Variants in STXBP6 observed in about 807,000 individuals in gnomAD.
The protein encoded by STXBP6 is syntaxin binding protein 6.
A neutral mutation model predicts 26.9 loss-of-function variants in STXBP6; 21 were observed. The ratio of observed to expected loss-of-function variants is 0.78; its 90% CI spans 0.55 to 1.12. The LOEUF (loss-of-function observed/expected upper bound fraction) is 1.12, where lower values mean the gene tolerates loss of function less well. Ranked by LOEUF, STXBP6 falls within the 50% of genes most tolerant of loss-of-function variation. The pLI is 0.00. For missense variants in STXBP6, 232 were observed against 257.9 expected, an observed-to-expected ratio of 0.90 and a Z score of 0.69; for synonymous variants, 97 against 92.6, an observed-to-expected ratio of 1.05 and a Z score of -0.27.
chr14:24,929,874 AG>A (rs2072317470), intron 2 of STXBP6, among the ~76,000 whole-genome samples: 2 of 152,350 alleles, frequency 1.3e-5, no homozygotes, highest in East Asian at 3.9e-4. Flanking sequence ...GTATCCTGGC[AG>A]AAGGGGTAGC....
At chr14:24,989,211 C>T (rs1290120411) in intron 1 of STXBP6, among the ~76,000 whole-genome samples, 1 of 152,174 alleles carries the variant, frequency 6.6e-6, no homozygotes, top group Non-Finnish European at 1.5e-5. Flanking sequence ...TGACCATCAT[C>T]CAGATTGTTC....
At chr14:24,963,540 C>T (rs2073622018) in intron 2 of STXBP6, among the ~76,000 whole-genome samples, 2 of 152,168 alleles carry the variant, frequency 1.3e-5, no homozygotes, top group South Asian at 4.1e-4. Flanking sequence ...TGAAAATCCT[C>T]AGAGAGGTTA....
intron 2 of STXBP6, among the ~76,000 whole-genome samples, chr14:24,917,469 G>A (rs1461288434): frequency 6.6e-6 from 1 of 151,998 alleles, no homozygotes; most frequent in East Asian, 1.9e-4. Context: ...CGCACCATAA[G>A]CACTCAAGAT....
intron 2 of STXBP6, among the ~76,000 whole-genome samples, chr14:24,936,583 C>T (rs149960640): frequency 5.9e-5 from 9 of 152,320 alleles, no homozygotes; most frequent in Non-Finnish European, 1.2e-4. Context: ...ATTTATGTAA[C>T]AGGCACTATT....
intron 4 of STXBP6, among the ~76,000 whole-genome samples, chr14:24,832,621 G>A (rs936810297): frequency 6.6e-6 from 1 of 152,132 alleles, no homozygotes; most frequent in African/African-American, 2.4e-5. Context: ...TCCCAAGAAG[G>A]ATGCTCTAAA....
intron 2 of STXBP6, among the ~76,000 whole-genome samples, chr14:24,900,209 T>C (rs2071163671): frequency 6.6e-6 from 1 of 152,222 alleles, no homozygotes; most frequent in Non-Finnish European, 1.5e-5. Flanking sequence ...AGAGAGCACT[T>C]ACATCCCTGA....
chr14:25,020,280 C>A (rs1361999939), intron 1 of STXBP6, among the ~76,000 whole-genome samples: 1 of 152,086 alleles, frequency 6.6e-6, no homozygotes, highest in Admixed American at 6.6e-5. Context: ...TACATTTTCT[C>A]TAGTAACATA....
At chr14:24,884,391 T>C (rs979923848) in intron 2 of STXBP6, among the ~76,000 whole-genome samples, 1 of 152,162 alleles carries the variant, frequency 6.6e-6, no homozygotes, top group African/African-American at 2.4e-5. Context: ...GGTACCAACA[T>C]CTCCATTTCT....
intron 1 of STXBP6, among the ~76,000 whole-genome samples, chr14:25,041,149 AG>A (rs1476478881): frequency 4.6e-5 from 7 of 151,848 alleles, no homozygotes; most frequent in African/African-American, 1.7e-4. Context: ...GGTGAAACCC[AG>A]TCTCTACTAA....
intron 1 of STXBP6, among the ~76,000 whole-genome samples, chr14:25,037,465 G>C (rs1018812601): frequency 1.3e-5 from 2 of 152,206 alleles, no homozygotes; most frequent in Non-Finnish European, 2.9e-5. Flanking sequence ...ACTCAAAACA[G>C]ATTAAAAGAC....
chr14:24,985,595 C>T (rs1269194087), intron 1 of STXBP6, among the ~76,000 whole-genome samples: 1 of 152,176 alleles, frequency 6.6e-6, no homozygotes, highest in East Asian at 1.9e-4. Flanking sequence ...GCTGACAGTG[C>T]TTCAAGGAAC....
chr14:25,026,155 T>C (rs991293133), intron 1 of STXBP6, among the ~76,000 whole-genome samples: 1 of 152,162 alleles, frequency 6.6e-6, no homozygotes, highest in Non-Finnish European at 1.5e-5. Context: ...AGAGGATAAA[T>C]GTCTTATTCT....
At chr14:24,991,891 C>T (rs1357746271) in intron 1 of STXBP6, among the ~76,000 whole-genome samples, 1 of 152,190 alleles carries the variant, frequency 6.6e-6, no homozygotes, top group African/African-American at 2.4e-5. Flanking sequence ...ACATCCACTC[C>T]CAGCTTGCAT....
chr14:24,885,784 T>C lies in STXBP6; in HGVS notation c.155-28627A>G, dbSNP rs545542647. Reference sequence around the variant, plus strand: ...AAAGAACCCTAAAGAACATTGGCCATGTGCTTGTTGCCATCCTCTATGACA... The same window carrying C: ...AAAGAACCCTAAAGAACATTGGCCACGTGCTTGTTGCCATCCTCTATGACA... On this transcript the variant is annotated intron_variant, in intron 2 of 5. Transcript: ENST00000323944. Among the ~76,000 whole-genome samples the C allele has an allele frequency of 2.0e-5, 3 of 152,360 alleles. No individual in the cohort carries two copies. In the South Asian group the frequency reaches 6.2e-4, roughly 32 times the overall value.
chr14:24,953,272 G>A (rs1368216734), intron 2 of STXBP6, among the ~76,000 whole-genome samples: 1 of 152,170 alleles, frequency 6.6e-6, no homozygotes, highest in Non-Finnish European at 1.5e-5. Context: ...TGACGATCCA[G>A]GGTAACCTCA....
intron 4 of STXBP6, among the ~76,000 whole-genome samples, chr14:24,849,187 TTC>T (rs1303968496): frequency 6.6e-6 from 1 of 152,162 alleles, no homozygotes; most frequent in East Asian, 1.9e-4. Flanking sequence ...CTTAGTTTTT[TTC>T]TCTCTCTGAA....
intron 2 of STXBP6, among the ~76,000 whole-genome samples, chr14:24,885,453 A>G (rs1288243359): frequency 6.6e-6 from 1 of 152,180 alleles, no homozygotes; most frequent in Non-Finnish European, 1.5e-5. Flanking sequence ...CCACCTCAGG[A>G]CTCTAAGAGT....
intron 1 of STXBP6, among the ~76,000 whole-genome samples, chr14:24,999,780 A>G (rs1326183946): frequency 6.6e-6 from 1 of 152,182 alleles, no homozygotes; most frequent in Non-Finnish European, 1.5e-5. Flanking sequence ...AGAAAAGCCC[A>G]AAGCCCAGAG....
In STXBP6 at chr14:25,012,154, TA is replaced by T. The variant is rs917090107; in HGVS notation, c.-32-37305del. ...ACTCAGGCATACACAAAAATGGAGT[TA>T]AAAAAAATGGAGCTAATTTATAAGG... is the stretch of plus-strand genomic sequence containing the variant. On this transcript the variant is annotated intron_variant, in intron 1 of 5. Coordinates refer to ENST00000323944, the MANE Select transcript of STXBP6 (RefSeq NM_001394410.1). Among the ~76,000 whole-genome samples, 7 of 151,886 alleles carry T rather than the reference TA, an allele frequency of 4.6e-5. No homozygotes were observed. In the East Asian group the frequency reaches 5.8e-4, roughly 13 times the overall value.
Sources: allele counts gnomAD v4.1 joint callset (sites outside exome capture counted in the v4.1 genomes callset), GRCh38; gene constraint gnomAD v4.1.1; transcripts MANE v1.5; gene names NCBI Gene and HGNC (gene_info 2026-07-23, HGNC 2026-07-21).